Variants in CNTNAP2 observed in about 807,000 individuals in gnomAD.
The protein encoded by CNTNAP2 is contactin associated protein 2.
Under a neutral mutation model 155.2 loss-of-function variants are expected in CNTNAP2, and 98 were observed. The observed-to-expected ratio is 0.63, with a 90% CI of 0.54 to 0.75. CNTNAP2 has a LOEUF of 0.75. Among genes scored for constraint, CNTNAP2 ranks in the 30% least tolerant of loss-of-function variants. CNTNAP2 has a pLI of 0.00. For synonymous variants in CNTNAP2, 651 were observed against 631.2 expected, an observed-to-expected ratio of 1.03 and a Z score of -0.47; for missense variants, 1,727 against 1,688.1, an observed-to-expected ratio of 1.02 and a Z score of -0.40.
chr7:146,256,307 A>C (rs1357227074), intron 1 of CNTNAP2, among the ~76,000 whole-genome samples: 1 of 152,200 alleles, frequency 6.6e-6, no homozygotes, highest in Non-Finnish European at 1.5e-5. Flanking sequence ...GACCAAATTC[A>C]TAAATGGAAC....
chr7:146,695,641 G>C (rs373046337), intron 1 of CNTNAP2, among the ~76,000 whole-genome samples: 8 of 151,938 alleles, frequency 5.3e-5, no homozygotes, highest in African/African-American at 1.9e-4. Context: ...TGCCTAGTCT[G>C]GTCTTGAACT....
intron 10 of CNTNAP2, among the ~76,000 whole-genome samples, chr7:147,410,230 C>A (rs1219836369): frequency 6.6e-6 from 1 of 152,148 alleles, no homozygotes; most frequent in African/African-American, 2.4e-5. Context: ...AAGATTATAT[C>A]TCTTGTGGGA....
At chr7:147,874,062 G>A (rs542069802) in intron 13 of CNTNAP2, among the ~76,000 whole-genome samples, 1 of 152,306 alleles carries the variant, frequency 6.6e-6, no homozygotes, top group East Asian at 1.9e-4. Context: ...CTGTGGCTTT[G>A]CAGGGTATAG....
In CNTNAP2 at chr7:147,438,568, G is replaced by T. The variant is rs555909924; in HGVS notation, c.1670+42788G>T. Among the ~76,000 whole-genome samples the T allele has an allele frequency of 4.1e-4, 62 of 151,336 alleles. 1 individual carries two copies. Among genetic ancestry groups the T allele is most frequent in the African/African-American group, 1.5e-3 (61 of 41,280 alleles). On this transcript the variant is annotated intron_variant, in intron 10 of 23. Transcript: ENST00000361727. ...AGTTTTATTTTTTTCATGTGTCTTTGTCTGGTTTTGGAATCAGGGTAATAC... is the reference window on the plus strand; with the variant it reads ...AGTTTTATTTTTTTCATGTGTCTTTTTCTGGTTTTGGAATCAGGGTAATAC...
chr7:146,449,372 T>C (rs992229457), intron 1 of CNTNAP2, among the ~76,000 whole-genome samples: 4 of 152,146 alleles, frequency 2.6e-5, no homozygotes, highest in Non-Finnish European at 5.9e-5. Context: ...CTCTTGTGCA[T>C]GTTGGTATTT....
At chr7:147,837,738 A>C (rs1031121849) in intron 13 of CNTNAP2, among the ~76,000 whole-genome samples, 3 of 152,230 alleles carry the variant, frequency 2.0e-5, no homozygotes, top group Non-Finnish European at 4.4e-5. Context: ...TAAAGGCCCT[A>C]TGCAAGTCCA....
intron 1 of CNTNAP2, among the ~76,000 whole-genome samples, chr7:146,703,440 T>C (rs1800911415): frequency 6.6e-6 from 1 of 152,160 alleles, no homozygotes; most frequent in Admixed American, 6.6e-5. Context: ...CATCAGAATA[T>C]TAATTAGTCT....
chr7:147,732,181 T>TGC, intron 13 of CNTNAP2, among the ~76,000 whole-genome samples: 2 of 108,580 alleles, frequency 1.8e-5, no homozygotes, highest in Admixed American at 2.0e-4. Context: ...ATGCTATCCC[T>TGC]CCCCCCCCCA....
intron 8 of CNTNAP2, among the ~76,000 whole-genome samples, chr7:147,283,864 A>G (rs531217939): frequency 6.6e-6 from 1 of 152,032 alleles, no homozygotes; most frequent in East Asian, 1.9e-4. Context: ...AGTTCTTTCT[A>G]TGGTCCTGGT....
intron 13 of CNTNAP2, among the ~76,000 whole-genome samples, chr7:147,763,129 C>T (rs1322129291): frequency 6.6e-6 from 1 of 151,930 alleles, no homozygotes; most frequent in Non-Finnish European, 1.5e-5. Context: ...CATGGAGGCG[C>T]ATGCCTGTAA....
At chr7:146,132,627 C>G (rs2116738856) in intron 1 of CNTNAP2, among the ~76,000 whole-genome samples, 1 of 144,306 alleles carries the variant, frequency 6.9e-6, no homozygotes, top group South Asian at 2.2e-4. Context: ...CATGTGATCT[C>G]ATTGTTCAAT....
intron 1 of CNTNAP2, among the ~76,000 whole-genome samples, chr7:146,558,269 G>C (rs1381109280): frequency 6.6e-6 from 1 of 152,070 alleles, no homozygotes; most frequent in Non-Finnish European, 1.5e-5. Flanking sequence ...ATCTTAGCAA[G>C]TCCACATGTT....
At chr7:147,947,594 G>A (rs1018664172) in intron 14 of CNTNAP2, among the ~76,000 whole-genome samples, 4 of 152,032 alleles carry the variant, frequency 2.6e-5, no homozygotes, top group African/African-American at 4.8e-5. Flanking sequence ...TCGCTCAACT[G>A]CACTCCAGCC....
chr7:147,974,407 C>G (rs2116859438), intron 14 of CNTNAP2, among the ~76,000 whole-genome samples: 1 of 152,114 alleles, frequency 6.6e-6, no homozygotes, highest in Admixed American at 6.6e-5. Context: ...GTCAGGAGGG[C>G]AGATCATCTG....
At chr7:147,272,332 A>C (rs1416770590) in intron 8 of CNTNAP2, among the ~76,000 whole-genome samples, 7 of 132,102 alleles carry the variant, frequency 5.3e-5, no homozygotes, top group Non-Finnish European at 7.9e-5. Context: ...TTCAGTACTA[A>C]ACTCTAAAGG....
At chr7:146,672,375 G>A (rs763562588) in intron 1 of CNTNAP2, among the ~76,000 whole-genome samples, 1 of 152,092 alleles carries the variant, frequency 6.6e-6, no homozygotes, top group Non-Finnish European at 1.5e-5. Context: ...TGTTATCTGT[G>A]AACAAAGACA....
chr7:146,476,469 AT>A (rs143588378), intron 1 of CNTNAP2, among the ~76,000 whole-genome samples: 1,606 of 151,962 alleles, frequency 0.011, 16 homozygotes, highest in Non-Finnish European at 0.018. Context: ...AAGAGATTTG[AT>A]TTTTTTTATT....
intron 13 of CNTNAP2, among the ~76,000 whole-genome samples, chr7:147,838,098 C>T (rs1278671933): frequency 6.6e-6 from 1 of 152,232 alleles, no homozygotes; most frequent in East Asian, 1.9e-4. Context: ...GCTGCCAGGA[C>T]TTGGGGCTTG....
At chr7:146,463,402 A>C (rs993147236) in intron 1 of CNTNAP2, among the ~76,000 whole-genome samples, 3 of 152,042 alleles carry the variant, frequency 2.0e-5, no homozygotes, top group Non-Finnish European at 2.9e-5. Flanking sequence ...AGCAAAGGTA[A>C]TCTACTCTTC....
Sources: allele counts gnomAD v4.1 joint callset (sites outside exome capture counted in the v4.1 genomes callset), GRCh38; gene constraint gnomAD v4.1.1; transcripts MANE v1.5; gene names NCBI Gene and HGNC (gene_info 2026-07-23, HGNC 2026-07-21).